The following IL1RAPL2 variants were observed in gnomAD, a reference collection of about 807,000 sequenced individuals.
IL1RAPL2 encodes X-linked interleukin-1 receptor accessory protein-like 2.
IL1RAPL2 carries 3 observed loss-of-function variants against 44.1 expected under a neutral mutation model. That is an observed-to-expected ratio of 0.07 (90% CI 0.03 to 0.18). The LOEUF is 0.18. Ranked by LOEUF, IL1RAPL2 falls within the 10% of genes least tolerant of loss-of-function variation. IL1RAPL2 has a pLI of 1.00. For synonymous variants in IL1RAPL2, 181 were observed against 178.8 expected (o/e 1.01, Z -0.10); for missense variants, 391 against 496.4 (o/e 0.79, Z 2.02).
intron 6 of IL1RAPL2, among the ~76,000 whole-genome samples, chrX:105,611,216 C>T (rs1053655064): frequency 1.6e-4 from 18 of 111,347 alleles, no homozygotes; most frequent in African/African-American, 5.9e-4. Context: ...ACATTTTAAG[C>T]TAAGTGTTAT....
chrX:105,680,085 C>T lies in IL1RAPL2; in HGVS notation c.773-37282C>T, dbSNP rs767684579. On this transcript the variant is annotated intron_variant, in intron 6 of 10. Transcript: ENST00000372582. ...GTGCGATCTCGGCTCACTGCAACCT[C>T]CGCCTCCCAGGTTCAAGCGATTCTC... 2.7e-5 allele frequency among the ~76,000 whole-genome samples: 3 copies of T among 111,258 alleles called. No individual in the cohort carries two copies. In the South Asian group the frequency reaches 1.2e-3, roughly 43 times the overall value.
chrX:105,602,959 C>T (rs1243315150), intron 6 of IL1RAPL2, among the ~76,000 whole-genome samples: 1 of 110,137 alleles, frequency 9.1e-6, no homozygotes, highest in South Asian at 3.8e-4. Context: ...CATCTGGAAG[C>T]AAAATGATGA....
chrX:105,147,394 C>T (rs1423111468), intron 2 of IL1RAPL2, among the ~76,000 whole-genome samples: 2 of 110,871 alleles, frequency 1.8e-5, no homozygotes, highest in Admixed American at 9.6e-5. Flanking sequence ...TAAGAGGGGT[C>T]CCTGCTTGTC....
At chrX:105,256,436 C>T (rs1332633065) in intron 4 of IL1RAPL2, among the ~76,000 whole-genome samples, 2 of 108,849 alleles carry the variant, frequency 1.8e-5, no homozygotes, top group African/African-American at 6.7e-5. Context: ...TCAAGCAATT[C>T]TCCTATCTCA....
chrX:104,718,718 T>C (rs1020774520), intron 2 of IL1RAPL2, among the ~76,000 whole-genome samples: 1 of 111,522 alleles, frequency 9.0e-6, no homozygotes, highest in Admixed American at 9.6e-5. Flanking sequence ...TAGTTCTTTA[T>C]AGCAGTGTGA....
intron 7 of IL1RAPL2, among the ~76,000 whole-genome samples, chrX:105,723,241 C>T (rs559042463): frequency 2.7e-5 from 3 of 111,455 alleles, no homozygotes; most frequent in South Asian, 7.6e-4. Context: ...CACTTTATAA[C>T]GAGGATGGCC....
Position 105,767,407 on chromosome X carries a change from C to G in IL1RAPL2, c.1807C>G (p.Leu603Val). 1.7e-6 allele frequency: 2 copies of G among 1,211,048 alleles called. No individual in the cohort carries two copies. The highest frequency in any genetic ancestry group is 2.2e-6 in the Non-Finnish European group (2 of 894,834). ...CACTCTGGTGTCATCTCAGGCTGAT[C>G]TCCCTGAATTCCACCCTTCAGATTC... ...SATLVSSQAD[L>V]PEFHPSDSMQ... The change falls in exon 11 of 11, where the codon CTC becomes GTC. Residue 603 changes from leucine (L) to valine (V), a missense_variant. Around this residue, in one of 2 missense-constraint regions of IL1RAPL2, gnomAD observed 232 missense variants for 244.8 expected, o/e 0.95. Transcript: ENST00000372582.
At chrX:104,893,589 A>G (rs565829162) in intron 2 of IL1RAPL2, among the ~76,000 whole-genome samples, 116 of 111,301 alleles carry the variant, frequency 1.0e-3, no homozygotes, top group South Asian at 4.2e-3. Context: ...AGTCTGTTTT[A>G]TCAGAGACTA....
intron 2 of IL1RAPL2, among the ~76,000 whole-genome samples, chrX:104,726,757 C>G (rs1488332373): frequency 1.8e-5 from 2 of 110,863 alleles, no homozygotes; most frequent in East Asian, 5.7e-4. Context: ...GCTGAAGTTG[C>G]TTATCAGCTT....
chrX:104,676,521 C>T (rs1299006026), intron 2 of IL1RAPL2, among the ~76,000 whole-genome samples: 1 of 111,834 alleles, frequency 8.9e-6, no homozygotes, highest in Non-Finnish European at 1.9e-5. Flanking sequence ...TTCTCTCTGG[C>T]TGCCCTTAAC....
At chrX:104,806,751 T>C (rs1932925210) in intron 2 of IL1RAPL2, among the ~76,000 whole-genome samples, 1 of 111,665 alleles carries the variant, frequency 9.0e-6, no homozygotes, top group Non-Finnish European at 1.9e-5. Context: ...GCTGCTGAGG[T>C]TGGGGATAGT....
chrX:104,771,123 G>T (rs1424853440), intron 2 of IL1RAPL2, among the ~76,000 whole-genome samples: 6 of 112,137 alleles, frequency 5.4e-5, no homozygotes, highest in Non-Finnish European at 1.1e-4. Context: ...CTGTCTTTAG[G>T]TTTTTTCATA....
At chrX:105,518,067 A>G (rs1055076963) in intron 6 of IL1RAPL2, among the ~76,000 whole-genome samples, 1 of 111,518 alleles carries the variant, frequency 9.0e-6, no homozygotes. Flanking sequence ...AACAAGTGAA[A>G]GAAGTCATGA....
At chrX:104,978,299 A>G (rs2030374410) in intron 2 of IL1RAPL2, among the ~76,000 whole-genome samples, 1 of 112,115 alleles carries the variant, frequency 8.9e-6, no homozygotes, top group Admixed American at 9.5e-5. Context: ...GGAATACAAG[A>G]GTGTAGGAGC....
chrX:104,944,358 A>G (rs1925286582), intron 2 of IL1RAPL2, among the ~76,000 whole-genome samples: 1 of 111,879 alleles, frequency 8.9e-6, no homozygotes, highest in South Asian at 3.7e-4. Context: ...TATCACTCAT[A>G]TTTCACAGAG....
chrX:104,938,256 C>A (rs949940216), intron 2 of IL1RAPL2, among the ~76,000 whole-genome samples: 5 of 112,131 alleles, frequency 4.5e-5, no homozygotes, highest in Non-Finnish European at 9.4e-5. Flanking sequence ...CAAAATAGTT[C>A]ATAATTATGG....
intron 2 of IL1RAPL2, among the ~76,000 whole-genome samples, chrX:105,081,764 G>A (rs185395110): frequency 1.8e-5 from 2 of 111,882 alleles, no homozygotes; most frequent in African/African-American, 6.5e-5. Context: ...CTGTTTATGT[G>A]ATGGATTATG....
chrX:105,221,528 A>G (rs781894464), intron 3 of IL1RAPL2, among the ~76,000 whole-genome samples: 1 of 111,899 alleles, frequency 8.9e-6, no homozygotes, highest in South Asian at 3.8e-4. Flanking sequence ...GAGTTTGGAC[A>G]CAAAAGAGAA....
intron 1 of IL1RAPL2, among the ~76,000 whole-genome samples, chrX:104,572,561 C>T (rs1373824632): frequency 1.8e-5 from 2 of 112,051 alleles, no homozygotes; most frequent in Admixed American, 9.5e-5. Flanking sequence ...ATTTATCTCT[C>T]ATACCTCATA....
Sources: allele counts gnomAD v4.1 joint callset (sites outside exome capture counted in the v4.1 genomes callset), GRCh38; gene constraint gnomAD v4.1.1; regional missense constraint gnomAD v4.1.1; transcripts MANE v1.5; gene names NCBI Gene and HGNC (gene_info 2026-07-23, HGNC 2026-07-21).